EYS: variants seen among roughly 807,000 people sequenced by gnomAD.
The protein encoded by EYS is protein eyes shut homolog.
EYS carries 250 observed loss-of-function variants against 282.1 expected under a neutral mutation model. The observed-to-expected ratio is 0.89, with a 90% CI of 0.80 to 0.98. The LOEUF is 0.98. Ranked by LOEUF, EYS falls within the 50% of genes least tolerant of loss-of-function variation. The probability of loss-of-function intolerance (pLI) is 0.00; values close to 1 mark genes in which losing one functional copy is unlikely to be tolerated. For missense variants in EYS, 4,016 were observed against 3,709.0 expected (o/e 1.08, Z -2.15); for synonymous variants, 1,355 against 1,282.9 (o/e 1.06, Z -1.20).
chr6:64,003,289 C>A (rs907874907), intron 33 of EYS, among the ~76,000 whole-genome samples: 1 of 151,994 alleles, frequency 6.6e-6, no homozygotes, highest in Non-Finnish European at 1.5e-5. Flanking sequence ...GAATGGTTAC[C>A]AGAGGCTGAG....
chr6:64,038,796 TTTTC>T (rs976088670), intron 33 of EYS, among the ~76,000 whole-genome samples: 4 of 151,888 alleles, frequency 2.6e-5, no homozygotes, highest in African/African-American at 9.7e-5. Context: ...TTTGTTTTCT[TTTTC>T]TTTCTTTCTT....
At chr6:63,761,265 G>A (rs1769635114) in intron 41 of EYS, among the ~76,000 whole-genome samples, 1 of 150,716 alleles carries the variant, frequency 6.6e-6, no homozygotes, top group African/African-American at 2.4e-5. Context: ...CATATTCTAG[G>A]AATTAAGAAA....
At chr6:65,462,674 A>G (rs992702005) in intron 5 of EYS, among the ~76,000 whole-genome samples, 1 of 151,934 alleles carries the variant, frequency 6.6e-6, no homozygotes, top group African/African-American at 2.4e-5. Context: ...TCACACCATT[A>G]CTCTTAAATT....
At chr6:65,403,267 G>T (rs1276454688) in intron 6 of EYS, among the ~76,000 whole-genome samples, 1 of 151,934 alleles carries the variant, frequency 6.6e-6, no homozygotes, top group African/African-American at 2.4e-5. Context: ...ATGCATCCAT[G>T]GGCAGGTAAA....
At chr6:63,814,940 A>G (rs1203367597) in intron 36 of EYS, among the ~76,000 whole-genome samples, 3 of 152,162 alleles carry the variant, frequency 2.0e-5, no homozygotes, top group Non-Finnish European at 4.4e-5. Flanking sequence ...ATTCCTAGCT[A>G]TTACACACAC....
rs530751705 is a variant in EYS, at chr6:63,875,034, A to T, written c.7056-10676T>A. Among the ~76,000 whole-genome samples, 122 of 152,308 alleles carry T rather than the reference A, an allele frequency of 8.0e-4. No individual in the cohort carries two copies. In the Middle Eastern group the frequency reaches 0.01, roughly 13 times the overall value. On this transcript the variant is annotated intron_variant, in intron 35 of 42. Coordinates refer to ENST00000503581, the MANE Select transcript of EYS (RefSeq NM_001142800.2). ...TTGAATAGGAGTGATGAGAGAGGGC[A>T]TCCCTGTCTTGTGCCAGTTTTCAAA... is the stretch of plus-strand genomic sequence containing the variant.
rs759752693 is a variant in EYS at position 65,344,165 on chromosome 6, T to G, written c.1472A>C (p.Glu491Ala). 1.2e-6 allele frequency: 2 copies of G among 1,609,540 alleles called. No homozygotes were observed. Among genetic ancestry groups the G allele is most frequent in the Non-Finnish European group, 1.7e-6 (2 of 1,177,112 alleles). ...WQLGFAGSEGEKCQGVIDAYF... is the reference protein window; with the variant it reads ...WQLGFAGSEGAKCQGVIDAYF... ...GGCATCAATAACCCCTTGGCACTTT[T>G]CGCCTTCAGATCCTTTAAAAAAAAA... Residue 491 changes from glutamate (E) to alanine (A), a missense_variant, in exon 10 of 43, where the codon GAA becomes GCA. Physicochemically the swap from Glu to Ala is moderately radical, Grantham distance 107. Transcript: ENST00000503581.
At chr6:65,177,598 G>T (rs1040099805) in intron 12 of EYS, among the ~76,000 whole-genome samples, 1 of 151,480 alleles carries the variant, frequency 6.6e-6, no homozygotes, top group Non-Finnish European at 1.5e-5. Flanking sequence ...CTGTGTATGT[G>T]CATATAGGTA....
At chr6:65,706,188 G>A (rs765008454) in intron 1 of EYS, among the ~76,000 whole-genome samples, 3 of 147,044 alleles carry the variant, frequency 2.0e-5, no homozygotes, top group Non-Finnish European at 4.5e-5. Flanking sequence ...GATGATATGA[G>A]TATATATATG....
At chr6:65,121,937 T>C (rs1249503082) in intron 12 of EYS, among the ~76,000 whole-genome samples, 1 of 152,116 alleles carries the variant, frequency 6.6e-6, no homozygotes, top group African/African-American at 2.4e-5. Context: ...TATTTTTGTT[T>C]GCAACCTGAA....
chr6:64,622,858 T>G (rs796084135), intron 23 of EYS, among the ~76,000 whole-genome samples: 4 of 152,300 alleles, frequency 2.6e-5, no homozygotes, highest in East Asian at 3.9e-4. Context: ...TGAGGCTTTT[T>G]AAAAATCAAT....
intron 35 of EYS, among the ~76,000 whole-genome samples, chr6:63,967,041 C>T (rs1766343183): frequency 1.3e-5 from 2 of 152,070 alleles, no homozygotes; most frequent in Non-Finnish European, 2.9e-5. Flanking sequence ...CAATAATTAG[C>T]AATAAAATAG....
intron 5 of EYS, among the ~76,000 whole-genome samples, chr6:65,428,756 T>A (rs551025119): frequency 3.3e-5 from 5 of 152,300 alleles, no homozygotes; most frequent in South Asian, 2.1e-4. Flanking sequence ...GAATTTTTTT[T>A]AAATATAATG....
intron 29 of EYS, among the ~76,000 whole-genome samples, chr6:64,314,324 G>C (rs963547811): frequency 2.0e-5 from 3 of 151,496 alleles, no homozygotes; most frequent in Non-Finnish European, 4.4e-5. Context: ...AATGCAACAG[G>C]AAGAGCTAAC....
At chr6:65,300,616 T>C (rs1437379924) in intron 11 of EYS, among the ~76,000 whole-genome samples, 2 of 152,290 alleles carry the variant, frequency 1.3e-5, no homozygotes, top group African/African-American at 4.8e-5. Flanking sequence ...TCCACTTATA[T>C]TGAAAAATAA....
chr6:63,839,971 G>A (rs1771909003), intron 36 of EYS, among the ~76,000 whole-genome samples: 1 of 151,084 alleles, frequency 6.6e-6, no homozygotes, highest in Non-Finnish European at 1.5e-5. Context: ...ATGATTTTGA[G>A]CATTTTTTTT....
At chr6:65,607,964 A>G (rs1160964824) in intron 2 of EYS, among the ~76,000 whole-genome samples, 1 of 152,016 alleles carries the variant, frequency 6.6e-6, no homozygotes, top group Non-Finnish European at 1.5e-5. Flanking sequence ...ATATTCTTAT[A>G]TTTTTATCTT....
chr6:65,254,068 G>A (rs1243733351), intron 12 of EYS, among the ~76,000 whole-genome samples: 1 of 151,810 alleles, frequency 6.6e-6, no homozygotes, highest in Non-Finnish European at 1.5e-5. Flanking sequence ...AAGAAGGCTT[G>A]CTAAAAGAAG....
At chr6:64,915,843 G>C (rs1768143890) in intron 15 of EYS, among the ~76,000 whole-genome samples, 1 of 152,114 alleles carries the variant, frequency 6.6e-6, no homozygotes, top group Admixed American at 6.6e-5. Context: ...GGATAACAGT[G>C]ATGTATCCTA....
Sources: allele counts gnomAD v4.1 joint callset (sites outside exome capture counted in the v4.1 genomes callset), GRCh38; gene constraint gnomAD v4.1.1; transcripts MANE v1.5; gene names NCBI Gene and HGNC (gene_info 2026-07-23, HGNC 2026-07-21).